Variants in ZNF85 observed in about 807,000 individuals in gnomAD.
ZNF85 encodes the protein zinc finger protein 85 (HPF4, HTF1).
Under a neutral mutation model 53.9 loss-of-function variants are expected in ZNF85, and 50 were observed. The ratio of observed to expected loss-of-function variants is 0.93; its 90% CI spans 0.74 to 1.17. The LOEUF is 1.17. Among genes scored for constraint, ZNF85 ranks in the 50% most tolerant of loss-of-function variants. The pLI, the probability that ZNF85 is intolerant of heterozygous loss-of-function variation, is 0.00. For missense variants in ZNF85, 747 were observed against 688.5 expected, an observed-to-expected ratio of 1.08 and a Z score of -0.95; for synonymous variants, 225 against 226.1, an observed-to-expected ratio of 1.00 and a Z score of 0.04.
Position 20,949,072 on chromosome 19 carries a change from T to C in ZNF85, c.558T>C (p.Ile186=), listed in dbSNP as rs200216041. 5.5e-5 allele frequency: 88 copies of C among 1,613,856 alleles called. No individual in the cohort carries two copies. Among genetic ancestry groups the C allele is most frequent in the Non-Finnish European group, 7.4e-5 (87 of 1,179,812 alleles). Residue 186 remains isoleucine (I), a synonymous_variant, in exon 4 of 4, where the codon ATT becomes ATC. Coordinates refer to ENST00000328178, the MANE Select transcript of ZNF85 (RefSeq NM_003429.5). ...CTKCGKSFGM[I]SCLTEHSRIH... is the part of the protein sequence containing the mutation. The stretch of plus-strand genomic sequence containing the variant: ...AATGTGGCAAATCATTTGGCATGAT[T>C]TCATGCCTAACTGAACATAGCAGAA...
rs1599435872 is a variant in ZNF85, at chr19:20,936,748, A to T, written c.229+1701A>T. On this transcript the variant is annotated intron_variant, in intron 3 of 3. Coordinates refer to ENST00000328178, the MANE Select transcript of ZNF85 (RefSeq NM_003429.5). ...GACCAGTATAAGCATGCCAGGGCAA[A>T]TATTTAGGCTAAAATGTGGGAGCTA... 6 of 154,024 alleles carry T rather than the reference A, an allele frequency of 3.9e-5. No individual in the cohort carries two copies. In the South Asian group the frequency reaches 1.2e-3, roughly 32 times the overall value. 9.5% of individuals were successfully genotyped at this position (154,024 alleles called of 1,614,324 possible).
chr19:20,935,176 G>T (rs561188936), intron 3 of ZNF85, 129 bp downstream of exon 3: 11 of 574,888 alleles, frequency 1.9e-5, no homozygotes, highest in African/African-American at 5.8e-5. Context: ...GAAGCCTGAG[G>T]TTTCTTTCTT....
At chr19:20,925,036 A>G (rs1972846804) in intron 1 of ZNF85, among the ~76,000 whole-genome samples, 1 of 152,104 alleles carries the variant, frequency 6.6e-6, no homozygotes, top group Non-Finnish European at 1.5e-5. Context: ...CTCCTGGGTC[A>G]TTTTCTCTCA....
At chr19:20,939,215 A>G (rs1440230901) in intron 3 of ZNF85, among the ~76,000 whole-genome samples, 4 of 152,208 alleles carry the variant, frequency 2.6e-5, no homozygotes, top group Middle Eastern at 6.8e-3. Flanking sequence ...AACATTTATT[A>G]CTGTCTTGCA....
intron 3 of ZNF85, among the ~76,000 whole-genome samples, chr19:20,940,972 AT>A (rs1208744031): frequency 6.6e-6 from 1 of 152,212 alleles, no homozygotes; most frequent in Non-Finnish European, 1.5e-5. Flanking sequence ...ATGCTCAAAT[AT>A]GTCTCCCAGG....
intron 3 of ZNF85, among the ~76,000 whole-genome samples, chr19:20,945,917 A>G (rs769953761): frequency 8.5e-5 from 13 of 152,190 alleles, no homozygotes; most frequent in Non-Finnish European, 1.6e-4. Context: ...TCTTTATATG[A>G]CATGTACATT....
chr19:20,933,957 ATGTGTGTGTGTGTGTGTGTGTGTG>A (rs56195718), intron 1 of ZNF85, 43 bp from the exon 2 acceptor site: 18 of 1,158,580 alleles, frequency 1.6e-5, no homozygotes, highest in African/African-American at 3.3e-5. Context: ...GTTGGTAATT[ATGTGTGTGTGTGTGTGTGTGTGTG>A]TGTGTGTGTG....
chr19:20,946,497 C>T (rs527991716), intron 3 of ZNF85: 1 of 253,304 alleles, frequency 3.9e-6, no homozygotes, highest in Non-Finnish European at 7.7e-6. Context: ...AATTATATTG[C>T]ACTCTATGTG....
Position 20,950,019 on chromosome 19 carries a change from T to G in ZNF85, c.1505T>G (p.Ile502Arg), listed in dbSNP as rs1295371570. 3 of 1,612,198 alleles carry G rather than the reference T, an allele frequency of 1.9e-6. No individual in the cohort carries two copies. The highest frequency in any genetic ancestry group is 2.5e-6 in the Non-Finnish European group (3 of 1,179,542). The change falls in exon 4 of 4, where the codon ATA (isoleucine) becomes AGA (arginine). Residue 502 changes from isoleucine (I) to arginine (R), a missense_variant. Transcript: ENST00000328178. ...KWPSTLTIHK[I>R]IHTGEKPYKC... ...CCCTCAACCCTTACTATCCATAAGA[T>G]AATTCATACTGGAGAGAAACCATAC... is the stretch of plus-strand genomic sequence containing the variant.
intron 1 of ZNF85, among the ~76,000 whole-genome samples, chr19:20,925,381 C>T (rs760992248): frequency 1.3e-5 from 2 of 149,646 alleles, no homozygotes; most frequent in Non-Finnish European, 3.0e-5. Flanking sequence ...TACTTGAACC[C>T]GGGAGGTGGA....
intron 3 of ZNF85, among the ~76,000 whole-genome samples, chr19:20,939,833 G>T (rs917532690): frequency 2.6e-5 from 4 of 152,108 alleles, no homozygotes; most frequent in Non-Finnish European, 5.9e-5. Context: ...AAGTTGCTGG[G>T]ATTACAGGCA....
intron 1 of ZNF85, among the ~76,000 whole-genome samples, chr19:20,932,447 A>G (rs1216616426): frequency 6.6e-6 from 1 of 152,190 alleles, no homozygotes; most frequent in Non-Finnish European, 1.5e-5. Context: ...TTTATATGCC[A>G]TGCAGAATTC....
At chr19:20,925,669 A>T (rs2144596273) in intron 1 of ZNF85, among the ~76,000 whole-genome samples, 1 of 152,278 alleles carries the variant, frequency 6.6e-6, no homozygotes, top group South Asian at 2.1e-4. Context: ...ACTGGGGCAT[A>T]GTGTAGTGTC....
Position 20,940,416 on chromosome 19 carries a change from G to A in ZNF85, c.229+5369G>A, listed in dbSNP as rs114671980. On this transcript the variant is annotated intron_variant, in intron 3 of 3. Transcript: ENST00000328178. ...GCCTGGCATTTTGGTGTGCACTTGT[G>A]GTCCAAGATCTTTGGAAGATTGAAG... is the stretch of plus-strand genomic sequence containing the variant. 3.9e-3 allele frequency among the ~76,000 whole-genome samples: 590 copies of A among 152,162 alleles called. 3 individuals are homozygous for A. Among genetic ancestry groups the A allele is most frequent in the African/African-American group, 0.014 (568 of 41,502 alleles).
chr19:20,944,643 T>C (rs1973378881), intron 3 of ZNF85, among the ~76,000 whole-genome samples: 1 of 148,434 alleles, frequency 6.7e-6, no homozygotes, highest in Non-Finnish European at 1.5e-5. Context: ...TATATTATTC[T>C]ATGATTTTTT....
intron 1 of ZNF85, among the ~76,000 whole-genome samples, chr19:20,925,367 G>A (rs959864953): frequency 2.0e-5 from 3 of 150,476 alleles, no homozygotes; most frequent in Admixed American, 1.3e-4. Flanking sequence ...TGAGGCAGAA[G>A]AATTACTTGA....
At chr19:20,942,819 A>G (rs1386300686) in intron 3 of ZNF85, 2 of 699,730 alleles carry the variant, frequency 2.9e-6, no homozygotes, top group Non-Finnish European at 5.2e-6. Context: ...TCTGTCACCC[A>G]GTCTGGAATG....
chr19:20,937,642 A>G (rs975300114), intron 3 of ZNF85, among the ~76,000 whole-genome samples: 2 of 152,130 alleles, frequency 1.3e-5, no homozygotes, highest in African/African-American at 4.8e-5. Flanking sequence ...TATGGCTTTC[A>G]CTGAATACCA....
intron 3 of ZNF85, among the ~76,000 whole-genome samples, chr19:20,938,200 G>A (rs756405818): frequency 3.9e-5 from 6 of 152,124 alleles, no homozygotes; most frequent in Non-Finnish European, 8.8e-5. Context: ...CTCCTAAGTA[G>A]CTAAAATTAC....
Sources: gnomAD v4.1 joint callset for allele counts (sites outside exome capture counted in the v4.1 genomes callset) on GRCh38, gnomAD v4.1.1 for gene constraint, MANE v1.5 for transcripts, NCBI Gene and HGNC (gene_info 2026-07-23, HGNC 2026-07-21) for gene names.